Variants in NAAA observed in about 807,000 individuals in gnomAD.
The protein encoded by NAAA is N-acylethanolamine-hydrolyzing acid amidase.
NAAA carries 39 observed loss-of-function variants against 44.8 expected under a neutral mutation model. That is an observed-to-expected ratio of 0.87 (90% CI 0.67 to 1.14). The LOEUF (loss-of-function observed/expected upper bound fraction) is 1.14. Among genes scored for constraint, NAAA ranks in the 50% most tolerant of loss-of-function variants. The pLI, the probability that NAAA is intolerant of heterozygous loss-of-function variation, is 0.00. For synonymous variants in NAAA, 178 were observed against 191.3 expected (o/e 0.93, Z 0.58); for missense variants, 460 against 467.8 (o/e 0.98, Z 0.15).
In NAAA at chr4:75,913,779, G is replaced by A. The variant is rs17001189; in HGVS notation, c.*596C>T. The A allele has an allele frequency of 0.06, 58,492 of 981,952 alleles. 2,574 individuals carry two copies. The highest frequency in any genetic ancestry group is 0.22 in the African/African-American group (12,379 of 57,070). 60.8% of individuals were successfully genotyped at this position (981,952 alleles called of 1,614,324 possible). A position where few individuals can be genotyped will look rare whatever the true frequency, so the allele number is the denominator to read the frequency against. On this transcript the variant is annotated 3_prime_UTR_variant, in exon 11 of 11. Coordinates refer to ENST00000286733, the MANE Select transcript of NAAA (RefSeq NM_014435.4). Reference sequence around the variant, plus strand: ...ATTTTCAAAAAGCAGTAAGAAAGTAGCTATTGAGAAAGAAGGAGGGCCATA... The same window carrying A: ...ATTTTCAAAAAGCAGTAAGAAAGTAACTATTGAGAAAGAAGGAGGGCCATA...
chr4:75,924,917 T>C (rs1726513135), intron 5 of NAAA, among the ~76,000 whole-genome samples: 3 of 152,182 alleles, frequency 2.0e-5, no homozygotes, highest in Admixed American at 6.5e-5. Context: ...GTCAAAAGAA[T>C]TTGCCATTTG....
chr4:75,913,005 C>T (rs7664613), downstream of NAAA, among the ~76,000 whole-genome samples: 5,884 of 152,200 alleles, frequency 0.039, 180 homozygotes, highest in Admixed American at 0.084. Flanking sequence ...GATAACACTT[C>T]CTTCTAGACA....
chr4:75,926,676 A>G (rs1726729260), intron 4 of NAAA, among the ~76,000 whole-genome samples: 1 of 152,042 alleles, frequency 6.6e-6, no homozygotes, highest in African/African-American at 2.4e-5. Context: ...GAACTCCTAA[A>G]ACTCAACAAC....
intron 2 of NAAA, among the ~76,000 whole-genome samples, chr4:75,939,253 T>G (rs1728000816): frequency 6.6e-6 from 1 of 152,022 alleles, no homozygotes; most frequent in Admixed American, 6.6e-5. Context: ...CACAGACACT[T>G]CAGCCACGAC....
intron 4 of NAAA, among the ~76,000 whole-genome samples, chr4:75,930,196 G>A (rs1727105211): frequency 6.6e-6 from 1 of 152,116 alleles, no homozygotes; most frequent in Admixed American, 6.5e-5. Context: ...GATACTCCTT[G>A]TATATATCCT....
intron 4 of NAAA, among the ~76,000 whole-genome samples, chr4:75,929,887 C>G (rs1246336583): frequency 6.6e-6 from 1 of 152,018 alleles, no homozygotes; most frequent in Non-Finnish European, 1.5e-5. Flanking sequence ...GTTCGGAGTT[C>G]GAGACCAGCC....
At position 75,923,032 on chromosome 4, in the gene NAAA, C is replaced by CTTT. The variant is rs78481348; in HGVS notation, c.667-1912_667-1910dup. On this transcript the variant is annotated intron_variant, in intron 5 of 10. Coordinates refer to ENST00000286733, the MANE Select transcript of NAAA (RefSeq NM_014435.4). Reference sequence around the variant, plus strand: ...TAGACATGGAGTTTCTTTCTTCTTCCTTTTTTTTTTTTAGTCTAGGTCCCA... The same window carrying CTTT: ...TAGACATGGAGTTTCTTTCTTCTTCCTTTTTTTTTTTTTTTAGTCTAGGTCCCA... Among the ~76,000 whole-genome samples, 275 of 144,340 alleles carry CTTT rather than the reference C, an allele frequency of 1.9e-3. 1 individual carries two copies. The highest frequency in any genetic ancestry group is 6.4e-3 in the African/African-American group (253 of 39,540). 94.7% of individuals were successfully genotyped at this position (144,340 alleles called of 152,430 possible).
In NAAA at chr4:75,936,136, C is replaced by T. The variant is rs1487089746; in HGVS notation, c.471G>A (p.Val157=). 1.2e-6 allele frequency: 2 copies of T among 1,614,036 alleles called. No homozygotes were observed. Among genetic ancestry groups the T allele is most frequent in the South Asian group, 2.2e-5 (2 of 91,072 alleles). Residue 157 remains valine (V), a synonymous_variant, in exon 3 of 11, where the codon GTG becomes GTA. Transcript: ENST00000286733. ...GCCCATTCTTTAAGAATTGCACATC[C>T]ACTGTCAGCTTGCGTAAGACATTCC... ...PFGNVLRKLT[V]DVQFLKNGQI...
rs142391668 is a variant in NAAA at position 75,933,103 on chromosome 4, C to A, written c.499-1799G>T. The stretch of plus-strand genomic sequence containing the variant: ...TGAGCCAAGATTGCACCATTGCACT[C>A]CAGCCTGTGACAGAACAAGACTCTG... On this transcript the variant is annotated intron_variant, in intron 3 of 10. Coordinates refer to ENST00000286733, the MANE Select transcript of NAAA (RefSeq NM_014435.4). Among the ~76,000 whole-genome samples, 191 of 143,200 alleles carry A rather than the reference C, an allele frequency of 1.3e-3. 1 individual carries two copies. Among genetic ancestry groups the A allele is most frequent in the African/African-American group, 4.7e-3 (180 of 38,420 alleles). The allele number at this position is 143,200 out of a possible 152,430, so 93.9% of individuals were successfully genotyped here. A position where few individuals can be genotyped will look rare whatever the true frequency, so the allele number is the denominator to read the frequency against.
intron 4 of NAAA, among the ~76,000 whole-genome samples, chr4:75,927,590 C>T (rs1261137071): frequency 2.0e-5 from 3 of 149,838 alleles, no homozygotes; most frequent in East Asian, 4.0e-4. Flanking sequence ...TATAGTGAGA[C>T]CTTGTTTCTA....
rs1491001067 is a variant in NAAA at position 75,939,822 on chromosome 4, C to A, written c.371+179G>T. The A allele has an allele frequency of 1.4e-5, 9 of 650,696 alleles. No homozygotes were observed. In the East Asian group the frequency reaches 2.5e-4, roughly 18 times the overall value. 40.3% of individuals were successfully genotyped at this position (650,696 alleles called of 1,614,324 possible). On this transcript the variant is annotated intron_variant, in intron 2 of 10. Transcript: ENST00000286733. The stretch of plus-strand genomic sequence containing the variant: ...GAATCGGAGAATCTGCTTTCCCTCT[C>A]GAAGCCTACGATGTGCAGCTCAGAT...
chr4:75,936,273 C>G, intron 2 of NAAA, 38 bp from the exon 3 acceptor site: 2 of 1,570,276 alleles, frequency 1.3e-6, no homozygotes, highest in Middle Eastern at 3.4e-4. Context: ...ATGAATAAGA[C>G]AAATAAGAAA....
intron 9 of NAAA, chr4:75,917,798 A>T (rs780293478): frequency 2.5e-5 from 11 of 432,966 alleles, no homozygotes; most frequent in South Asian, 1.8e-4. Flanking sequence ...AAAAAGAAAA[A>T]GAAATTAAAA....
At position 75,936,247 on chromosome 4, in the gene NAAA, GA is replaced by G. The variant is rs747320966; in HGVS notation, c.372-13del. ...TACTGGTGCAGAACCTGAGAAAAGG[GA>G]AAAGTCCAACATGAATGAATAAGAC... is the stretch of plus-strand genomic sequence containing the variant. On this transcript the variant is annotated splice_polypyrimidine_tract_variant and intron_variant, in intron 2 of 10. Transcript: ENST00000286733. 2 of 1,608,456 alleles carry G rather than the reference GA, an allele frequency of 1.2e-6. No individual in the cohort carries two copies. The highest frequency in any genetic ancestry group is 1.7e-6 in the Non-Finnish European group (2 of 1,177,864).
intron 3 of NAAA, among the ~76,000 whole-genome samples, chr4:75,931,700 T>C (rs1005331543): frequency 2.0e-5 from 3 of 152,234 alleles, no homozygotes; most frequent in Non-Finnish European, 4.4e-5. Flanking sequence ...TTTGAAACAC[T>C]ATCCATAATT....
chr4:75,925,764 G>A lies in NAAA; in HGVS notation c.637C>T (p.His213Tyr), dbSNP rs1560508518. The A allele has an allele frequency of 6.2e-7, 1 of 1,614,172 alleles. No individual in the cohort carries two copies. Among genetic ancestry groups the A allele is most frequent in the East Asian group, 2.2e-5 (1 of 44,882 alleles). ...CGGATCAGCCAGCTGACGGGAATGT[G>A]TCTCCGAAACAGGGCAGCGATAGCA... ...ENAIAALFRR[H>Y]IPVSWLIRAT... Residue 213 changes from histidine to tyrosine, a missense_variant, in exon 5 of 11, where the codon CAC becomes TAC. By Grantham distance (83) the His-to-Tyr change is moderately conservative. Coordinates refer to ENST00000286733, the MANE Select transcript of NAAA (RefSeq NM_014435.4).
chr4:75,932,574 C>G (rs750332059), intron 3 of NAAA, among the ~76,000 whole-genome samples: 11 of 152,078 alleles, frequency 7.2e-5, no homozygotes, highest in South Asian at 6.2e-4. Context: ...CCTCGACCTC[C>G]TGGGCTCAAG....
rs552021644 is a variant in NAAA, at chr4:75,936,555, AC to A, written c.372-321del. Among the ~76,000 whole-genome samples the A allele has an allele frequency of 3.0e-4, 45 of 152,322 alleles. No homozygotes were observed. In the South Asian group the frequency reaches 9.1e-3, roughly 31 times the overall value. On this transcript the variant is annotated intron_variant, in intron 2 of 10. Transcript: ENST00000286733. ...GAAACTAACCCATCCTGGGCTCAGG[AC>A]ACCTCTGAACTCTGCTTTTTCCTCT... is the stretch of plus-strand genomic sequence containing the variant.
At chr4:75,917,451 T>C (rs1398679503) in intron 9 of NAAA, 1 of 153,308 alleles carries the variant, frequency 6.5e-6, no homozygotes, top group Non-Finnish European at 1.5e-5. Flanking sequence ...AGCAGAATAC[T>C]GACTAATTAG....
Sources: allele counts gnomAD v4.1 joint callset (sites outside exome capture counted in the v4.1 genomes callset), GRCh38; gene constraint gnomAD v4.1.1; transcripts MANE v1.5; gene names NCBI Gene and HGNC (gene_info 2026-07-23, HGNC 2026-07-21).